Variants in TTC1 observed in about 807,000 individuals in gnomAD.
TTC1 encodes the protein tetratricopeptide repeat domain 1.
TTC1 carries 31 observed loss-of-function variants against 37.6 expected under a neutral mutation model. The ratio of observed to expected loss-of-function variants is 0.82; its 90% CI spans 0.62 to 1.11. The LOEUF is 1.11. Ranked by LOEUF, TTC1 falls within the 50% of genes most tolerant of loss-of-function variation. The pLI is 0.00. For missense variants in TTC1, 351 were observed against 339.0 expected (o/e 1.04, Z -0.28); for synonymous variants, 127 against 122.4 (o/e 1.04, Z -0.25).
At position 160,028,298 on chromosome 5, in the gene TTC1, CAAAAAA is replaced by C. The variant is rs61408395; in HGVS notation, c.331-6828_331-6823del. Among the ~76,000 whole-genome samples the C allele has an allele frequency of 3.9e-3, 310 of 79,714 alleles. 8 individuals carry two copies. The highest frequency in any genetic ancestry group is 0.035 in the Admixed American group (292 of 8,250). 52.3% of individuals were successfully genotyped at this position (79,714 alleles called of 152,430 possible). A position where few individuals can be genotyped will look rare whatever the true frequency, so the allele number is the denominator to read the frequency against. On this transcript the variant is annotated intron_variant, in intron 2 of 7. Coordinates refer to ENST00000231238, the MANE Select transcript of TTC1 (RefSeq NM_003314.3). ...TAGGCGACAGAGCAAGACTCCGTCTCAAAAAAAAAAAAAAAAAAAGTTATCAGCCTT... is the reference window on the plus strand; with the variant it reads ...TAGGCGACAGAGCAAGACTCCGTCTCAAAAAAAAAAAAAGTTATCAGCCTT...
At chr5:160,038,772 C>G (rs1389827742) in intron 4 of TTC1, 1 of 150,250 alleles carries the variant, frequency 6.7e-6, no homozygotes, top group Non-Finnish European at 1.5e-5. Flanking sequence ...AAGCGATTCT[C>G]CTGCCTCAGC....
At chr5:160,061,352 ACT>A (rs564992142) in intron 7 of TTC1, among the ~76,000 whole-genome samples, 315 of 151,470 alleles carry the variant, frequency 2.1e-3, no homozygotes, top group Middle Eastern at 6.8e-3. Context: ...CCCCTTCCTG[ACT>A]CTCGTAGCAT....
chr5:160,033,102 G>A (rs1478476517), intron 2 of TTC1, among the ~76,000 whole-genome samples: 3 of 151,974 alleles, frequency 2.0e-5, no homozygotes, highest in Non-Finnish European at 4.4e-5. Flanking sequence ...CAGTAAACCT[G>A]CCCCCTAAAG....
intron 7 of TTC1, among the ~76,000 whole-genome samples, chr5:160,054,557 T>C (rs1581121569): frequency 6.6e-6 from 1 of 151,506 alleles, no homozygotes; most frequent in Admixed American, 6.6e-5. Context: ...TTTGCAGTGT[T>C]ACGATGGTAC....
intron 4 of TTC1, 128 bp downstream of exon 4, chr5:160,036,931 G>A: frequency 3.3e-6 from 2 of 613,894 alleles, no homozygotes; most frequent in Admixed American, 2.8e-5. Flanking sequence ...TTTCCCTGAT[G>A]TAAAGGCCAC....
At chr5:160,019,851 A>T (rs1756674682) in intron 2 of TTC1, among the ~76,000 whole-genome samples, 1 of 149,876 alleles carries the variant, frequency 6.7e-6, no homozygotes, top group South Asian at 2.1e-4. Flanking sequence ...AAGTTCTGGG[A>T]TTATAGGCAT....
intron 2 of TTC1, among the ~76,000 whole-genome samples, chr5:160,021,908 G>A (rs890937451): frequency 1.3e-5 from 2 of 152,084 alleles, no homozygotes; most frequent in East Asian, 1.9e-4. Context: ...CTCTCTTTAC[G>A]CTCTCTTTTA....
chr5:160,023,648 G>A (rs1756752034), intron 2 of TTC1: 1 of 1,085,900 alleles, frequency 9.2e-7, no homozygotes, highest in Non-Finnish European at 1.4e-6. Context: ...AGGTGACTAA[G>A]CTTCCAAATA....
intron 3 of TTC1, among the ~76,000 whole-genome samples, chr5:160,035,949 A>AG (rs199699781): frequency 7.4e-4 from 108 of 146,286 alleles, no homozygotes; most frequent in Middle Eastern, 3.5e-3. Context: ...TTCAGATTTT[A>AG]GGGTTTTTTT....
In TTC1 at chr5:160,010,938, C is replaced by T. The variant is rs567802272; in HGVS notation, c.330+80C>T. 3.1e-6 allele frequency: 4 copies of T among 1,282,064 alleles called. No homozygotes were observed. The African/African-American group carries it at 4.4e-5, about 14-fold the overall frequency. 79.4% of individuals were successfully genotyped at this position (1,282,064 alleles called of 1,614,324 possible). A position where few individuals can be genotyped will look rare whatever the true frequency, so the allele number is the denominator to read the frequency against. Reference sequence around the variant, plus strand: ...TGGTCGATACTGTATCATAGACCACCTCATCTGTGGTAAAGAATAACTTGC... The same window carrying T: ...TGGTCGATACTGTATCATAGACCACTTCATCTGTGGTAAAGAATAACTTGC... On this transcript the variant is annotated intron_variant, in intron 2 of 7. Coordinates refer to ENST00000231238, the MANE Select transcript of TTC1 (RefSeq NM_003314.3).
chr5:160,034,246 G>T (rs886305040), intron 2 of TTC1, among the ~76,000 whole-genome samples: 1 of 151,260 alleles, frequency 6.6e-6, no homozygotes, highest in Non-Finnish European at 1.5e-5. Flanking sequence ...TTCTGGTTTG[G>T]CTTGTGCCAG....
intron 5 of TTC1, among the ~76,000 whole-genome samples, chr5:160,046,592 A>G (rs1166449824): frequency 6.6e-6 from 1 of 152,144 alleles, no homozygotes; most frequent in African/African-American, 2.4e-5. Flanking sequence ...CCTTGTGTGT[A>G]TATTTCAAAA....
chr5:160,017,585 A>G (rs1581093123), intron 2 of TTC1, among the ~76,000 whole-genome samples: 4 of 152,328 alleles, frequency 2.6e-5, no homozygotes, highest in Admixed American at 1.3e-4. Flanking sequence ...ATTAGGACCT[A>G]TGGCACATAC....
chr5:160,055,186 T>A (rs1015738810), intron 7 of TTC1, among the ~76,000 whole-genome samples: 2 of 152,220 alleles, frequency 1.3e-5, no homozygotes, highest in Non-Finnish European at 2.9e-5. Context: ...TTGCAAGTTA[T>A]TTTATCCCGT....
chr5:160,037,988 T>A (rs1258897961), intron 4 of TTC1, among the ~76,000 whole-genome samples: 1 of 152,126 alleles, frequency 6.6e-6, no homozygotes, highest in Non-Finnish European at 1.5e-5. Context: ...TCACTTTAGG[T>A]GACAAGGTTT....
chr5:160,062,962 G>A (rs1753470533), intron 7 of TTC1, among the ~76,000 whole-genome samples: 1 of 152,196 alleles, frequency 6.6e-6, no homozygotes, highest in South Asian at 2.1e-4. Flanking sequence ...GCCCGAGGCT[G>A]TGCCGCTGCC....
intron 7 of TTC1, among the ~76,000 whole-genome samples, chr5:160,053,015 C>G (rs1177172090): frequency 6.6e-6 from 1 of 152,136 alleles, no homozygotes; most frequent in African/African-American, 2.4e-5. Flanking sequence ...AGATACTGCT[C>G]TAGGTGTTAC....
chr5:160,016,202 AC>A (rs755822692), intron 2 of TTC1, among the ~76,000 whole-genome samples: 1 of 152,232 alleles, frequency 6.6e-6, no homozygotes, highest in East Asian at 1.9e-4. Flanking sequence ...ACATGGTGAA[AC>A]CCCATCTCTA....
chr5:160,047,199 A>G (rs768890860), intron 5 of TTC1, among the ~76,000 whole-genome samples: 5 of 151,972 alleles, frequency 3.3e-5, no homozygotes, highest in Non-Finnish European at 4.4e-5. Flanking sequence ...TCCCACTGCA[A>G]AGTTCTTTCT....
Sources: gnomAD v4.1 joint callset for allele counts (sites outside exome capture counted in the v4.1 genomes callset) on GRCh38, gnomAD v4.1.1 for gene constraint, MANE v1.5 for transcripts, NCBI Gene and HGNC (gene_info 2026-07-23, HGNC 2026-07-21) for gene names.